Variants in NEDD4L observed in about 807,000 individuals in gnomAD.
The protein encoded by NEDD4L is NEDD4 like E3 ubiquitin protein ligase.
A neutral mutation model predicts 148.9 loss-of-function variants in NEDD4L; 54 were observed. The observed-to-expected ratio is 0.36, with a 90% CI of 0.29 to 0.45. The LOEUF is 0.45. Among genes scored for constraint, NEDD4L ranks in the 20% least tolerant of loss-of-function variants. NEDD4L has a pLI of 1.00. For synonymous variants in NEDD4L, 433 were observed against 440.7 expected, an observed-to-expected ratio of 0.98 and a Z score of 0.22; for missense variants, 856 against 1,233.8, an observed-to-expected ratio of 0.69 and a Z score of 4.59.
intron 5 of NEDD4L, among the ~76,000 whole-genome samples, chr18:58,274,944 G>A (rs955050738): frequency 2.0e-5 from 3 of 152,130 alleles, no homozygotes; most frequent in African/African-American, 4.8e-5. Context: ...GCTATAAAAC[G>A]AAATCTGCTA....
chr18:58,096,442 C>T (rs1291786795), intron 1 of NEDD4L, among the ~76,000 whole-genome samples: 1 of 149,140 alleles, frequency 6.7e-6, no homozygotes, highest in African/African-American at 2.5e-5. Context: ...CTTGCTCTGT[C>T]ACCCAGGCTG....
Position 58,198,146 on chromosome 18 carries a change from C to T in NEDD4L, c.122+32285C>T, listed in dbSNP as rs544113914. ...TAGATATGTGATGGTGGTATTTCTA[C>T]ATGTTTATGTCGAGAACTTTACAAA... On this transcript the variant is annotated intron_variant, in intron 2 of 30. Coordinates refer to ENST00000400345, the MANE Select transcript of NEDD4L (RefSeq NM_001144967.3). Among the ~76,000 whole-genome samples the T allele has an allele frequency of 1.8e-4, 27 of 152,258 alleles. 1 individual carries two copies. The South Asian group carries it at 5.4e-3, about 30-fold the overall frequency.
chr18:58,082,093 TATATATATA>T (rs1216381352), intron 1 of NEDD4L, among the ~76,000 whole-genome samples: 1 of 93,658 alleles, frequency 1.1e-5, no homozygotes, highest in African/African-American at 6.9e-5. Context: ...TATATATATA[TATATATATA>T]TTTTTTTTTT....
chr18:58,370,369 A>G (rs372383521), intron 22 of NEDD4L, 28 bp from the exon 23 acceptor site: 86 of 1,467,362 alleles, frequency 5.9e-5, no homozygotes, highest in Non-Finnish European at 7.5e-5. Context: ...AAGACCTGAA[A>G]CTAAACCCAG....
rs1016545577 is a variant in NEDD4L at position 58,329,117 on chromosome 18, A to G, written c.803A>G (p.Asp268Gly). ...DLEPEPSEGG[D>G]VPEPWETISE... ...GAGCCCGAGCCCTCGGAGGGCGGGG[A>G]TGTCCCCGAGGTACGATGTCCCCAG... The change falls in exon 10 of 31, where the codon GAT (aspartate) becomes GGT (glycine). Residue 268 changes from aspartate (D) to glycine (G), a missense_variant. Coordinates refer to ENST00000400345, the MANE Select transcript of NEDD4L (RefSeq NM_001144967.3). 1 of 1,613,868 alleles carries G rather than the reference A, an allele frequency of 6.2e-7. No homozygotes were observed. The highest frequency in any genetic ancestry group is 2.2e-5 in the East Asian group (1 of 44,874).
intron 1 of NEDD4L, among the ~76,000 whole-genome samples, chr18:58,121,869 G>A (rs2029966982): frequency 6.6e-6 from 1 of 152,226 alleles, no homozygotes; most frequent in South Asian, 2.1e-4. Context: ...CCCTTCCCAT[G>A]TCTTATTTTC....
intron 1 of NEDD4L, among the ~76,000 whole-genome samples, chr18:58,065,558 T>C (rs1051505601): frequency 6.6e-6 from 1 of 152,246 alleles, no homozygotes; most frequent in African/African-American, 2.4e-5. Context: ...AGAGATACGC[T>C]GGATGGTGCC....
chr18:58,231,588 A>T (rs145586036), intron 2 of NEDD4L, among the ~76,000 whole-genome samples: 4 of 152,192 alleles, frequency 2.6e-5, no homozygotes, highest in African/African-American at 9.6e-5. Context: ...TTTGAGACAG[A>T]GTCTCACTTG....
intron 1 of NEDD4L, among the ~76,000 whole-genome samples, chr18:58,048,376 G>C (rs544039733): frequency 6.6e-6 from 1 of 152,080 alleles, no homozygotes; most frequent in East Asian, 1.9e-4. Context: ...CGCCATGAGA[G>C]CAAAGTGCTA....
chr18:58,270,749 T>TTG (rs1327910617), intron 5 of NEDD4L, among the ~76,000 whole-genome samples: 2 of 152,218 alleles, frequency 1.3e-5, no homozygotes, highest in African/African-American at 4.8e-5. Context: ...TTACTACTAC[T>TTG]TGTGGCTCCA....
chr18:58,347,272 G>A (rs1262091454), intron 16 of NEDD4L, among the ~76,000 whole-genome samples: 4 of 125,140 alleles, frequency 3.2e-5, no homozygotes, highest in African/African-American at 9.6e-5. Flanking sequence ...TGTCTTTCAC[G>A]GTAGCCTACA....
chr18:58,195,608 A>G, intron 2 of NEDD4L: 10 of 1,345,900 alleles, frequency 7.4e-6, no homozygotes, highest in Non-Finnish European at 8.8e-6. Flanking sequence ...CCTGGCCGGG[A>G]GCTGGCGGAG....
chr18:58,273,079 C>T (rs777849574), intron 5 of NEDD4L, among the ~76,000 whole-genome samples: 5 of 152,164 alleles, frequency 3.3e-5, no homozygotes, highest in African/African-American at 9.7e-5. Context: ...AGCAGCCGTT[C>T]GCCCAAAGGT....
chr18:58,329,691 G>A (rs992806054), intron 10 of NEDD4L, among the ~76,000 whole-genome samples: 2 of 149,440 alleles, frequency 1.3e-5, no homozygotes, highest in African/African-American at 4.9e-5. Flanking sequence ...TAGTAGAGAC[G>A]GGTTTCACCA....
chr18:58,045,493 A>T (rs752022383), intron 1 of NEDD4L: 20 of 186,358 alleles, frequency 1.1e-4, no homozygotes, highest in Non-Finnish European at 2.2e-4. Context: ...GGTCGGTTTC[A>T]CTGGAAAGGG....
chr18:58,123,531 C>T (rs2030393746), intron 1 of NEDD4L, among the ~76,000 whole-genome samples: 1 of 152,154 alleles, frequency 6.6e-6, no homozygotes, highest in Non-Finnish European at 1.5e-5. Context: ...ACCCCCGCCC[C>T]GGTTGGACAC....
intron 2 of NEDD4L, among the ~76,000 whole-genome samples, chr18:58,186,058 GAGA>G (rs1033030225): frequency 1.3e-5 from 2 of 152,028 alleles, no homozygotes; most frequent in Non-Finnish European, 2.9e-5. Flanking sequence ...CACGCGCACA[GAGA>G]AGGATACATA....
intron 2 of NEDD4L, among the ~76,000 whole-genome samples, chr18:58,227,563 CTG>C (rs2044515249): frequency 6.6e-6 from 1 of 152,194 alleles, no homozygotes; most frequent in African/African-American, 2.4e-5. Context: ...CCTGCATGCT[CTG>C]TCTAAGGGCT....
intron 1 of NEDD4L, among the ~76,000 whole-genome samples, chr18:58,108,627 G>A (rs756751322): frequency 3.3e-5 from 5 of 152,062 alleles, no homozygotes; most frequent in African/African-American, 4.8e-5. Flanking sequence ...CATCATGTTG[G>A]CCAGGCTGGT....
Sources: allele counts gnomAD v4.1 joint callset (sites outside exome capture counted in the v4.1 genomes callset), GRCh38; gene constraint gnomAD v4.1.1; transcripts MANE v1.5; gene names NCBI Gene and HGNC (gene_info 2026-07-23, HGNC 2026-07-21).